Variants in FGFRL1 observed in about 807,000 individuals in gnomAD.
FGFRL1 encodes fibroblast growth factor receptor-like 1.
Under a neutral mutation model 36.8 loss-of-function variants are expected in FGFRL1, and 24 were observed. The observed-to-expected ratio is 0.65, with a 90% confidence interval of 0.47 to 0.92. FGFRL1 has a LOEUF of 0.92. Ranked by LOEUF, FGFRL1 falls within the 40% of genes least tolerant of loss-of-function variation. FGFRL1 has a pLI of 0.00. For missense variants in FGFRL1, 785 were observed against 753.4 expected, an observed-to-expected ratio of 1.04 and a Z score of -0.49; for synonymous variants, 422 against 344.1, an observed-to-expected ratio of 1.23 and a Z score of -2.50.
chr4:1,019,187 A>G (rs893804968), intron 2 of FGFRL1, among the ~76,000 whole-genome samples: 1 of 152,166 alleles, frequency 6.6e-6, no homozygotes, highest in African/African-American at 2.4e-5. Flanking sequence ...GGGGGCTGGG[A>G]AACCTTCCCG....
rs1384823812 is a variant in FGFRL1 at position 1,012,351 on chromosome 4, C to T, written c.-16-119C>T. Reference sequence around the variant, plus strand: ...CCGCTGCGGCTTCCTCCGCCTGGAGCGCGGGCGGGGAGGGCCTGTGGGGAG... The same window carrying T: ...CCGCTGCGGCTTCCTCCGCCTGGAGTGCGGGCGGGGAGGGCCTGTGGGGAG... On this transcript the variant is annotated intron_variant, in intron 1 of 6. Coordinates refer to ENST00000510644, the MANE Select transcript of FGFRL1 (RefSeq NM_001004356.3). 11 of 1,147,262 alleles carry T rather than the reference C, an allele frequency of 9.6e-6. No individual in the cohort carries two copies. In the Admixed American group the frequency reaches 1.0e-4, roughly 11 times the overall value. The allele number at this position is 1,147,262 out of a possible 1,614,324, so 71.1% of individuals were successfully genotyped here. A position where few individuals can be genotyped will look rare whatever the true frequency, so the allele number is the denominator to read the frequency against.
intron 2 of FGFRL1, among the ~76,000 whole-genome samples, chr4:1,015,841 G>A (rs1426234453): frequency 1.3e-5 from 2 of 152,224 alleles, no homozygotes; most frequent in African/African-American, 4.8e-5. Flanking sequence ...CCACCAGCCA[G>A]TGGCTTCAAG....
At chr4:1,013,387 G>A (rs1259425723) in intron 2 of FGFRL1, among the ~76,000 whole-genome samples, 3 of 152,254 alleles carry the variant, frequency 2.0e-5, no homozygotes, top group Non-Finnish European at 4.4e-5. Context: ...ACTCAGGATT[G>A]TCCGCGCTGT....
chr4:1,012,421 G>A (rs993727255), intron 1 of FGFRL1, 49 bp from the exon 2 acceptor site: 4 of 1,564,784 alleles, frequency 2.6e-6, no homozygotes, highest in African/African-American at 2.8e-5. Flanking sequence ...CGGGGAGGGC[G>A]GTATCTCCCA....
intron 2 of FGFRL1, 81 bp from the exon 3 acceptor site, chr4:1,022,122 C>T (rs1716214292): frequency 2.7e-6 from 3 of 1,117,620 alleles, no homozygotes; most frequent in Non-Finnish European, 2.5e-6. Context: ...CTGTGCTGGG[C>T]CGTGGGTCCC....
chr4:1,015,111 A>T (rs949422826), intron 2 of FGFRL1, among the ~76,000 whole-genome samples: 5 of 152,086 alleles, frequency 3.3e-5, no homozygotes, highest in African/African-American at 7.2e-5. Flanking sequence ...GTGCTGGGAG[A>T]GGCGGGCTGT....
chr4:1,019,728 G>T (rs1285205808), intron 2 of FGFRL1, among the ~76,000 whole-genome samples: 5 of 152,192 alleles, frequency 3.3e-5, no homozygotes, highest in African/African-American at 1.2e-4. Flanking sequence ...TGCAGGGAGG[G>T]TAGGGAAGGA....
At position 1,024,528 on chromosome 4, in the gene FGFRL1, G is replaced by T; in HGVS notation, c.936G>T (p.Trp312Cys). 2.5e-6 allele frequency: 4 copies of T among 1,612,504 alleles called. No individual in the cohort carries two copies. Among genetic ancestry groups the T allele is most frequent in the Non-Finnish European group, 3.4e-6 (4 of 1,179,862 alleles). ...TGGTGCTGCCCACGGGTGACGTGTG[G>T]TCGCGGCCCGACGGCTCCTACCTCA... ...KFVVLPTGDV[W>C]SRPDGSYLNK... Residue 312 changes from tryptophan (W) to cysteine (C), a missense_variant, in exon 6 of 7, where the codon TGG becomes TGT. Trp to Cys is a radical substitution (Grantham distance 215, BLOSUM62 -2). Transcript: ENST00000510644.
At chr4:1,019,557 G>A (rs990492391) in intron 2 of FGFRL1, among the ~76,000 whole-genome samples, 2 of 152,200 alleles carry the variant, frequency 1.3e-5, no homozygotes, top group African/African-American at 4.8e-5. Flanking sequence ...CGGCTGGGAA[G>A]GGGTCAGGAG....
Position 1,023,650 on chromosome 4 carries a change from G to A in FGFRL1, c.362G>A (p.Ser121Asn). 6.2e-7 allele frequency: 1 copy of A among 1,602,178 alleles called. No individual in the cohort carries two copies. Among genetic ancestry groups the A allele is most frequent in the East Asian group, 2.2e-5 (1 of 44,534 alleles). ...NYTLVVLDDI[S>N]PGKESLGPDS... ...CTCCGTCTCTCTGCAGATGACATTA[G>A]CCCAGGGAAGGAGAGCCTGGGGCCC... is the stretch of plus-strand genomic sequence containing the variant. The change falls in exon 4 of 7, where the codon AGC (serine) becomes AAC (asparagine). Residue 121 changes from serine (S) to asparagine (N), a missense_variant. Physicochemically the swap from Ser to Asn is conservative, Grantham distance 46. Coordinates refer to ENST00000510644, the MANE Select transcript of FGFRL1 (RefSeq NM_001004356.3). This position sits in a 1 kb window ranked among gnomAD's most constrained non-coding sequence, Gnocchi z 6.0.
At position 1,012,459 on chromosome 4, in the gene FGFRL1, A is replaced by C. The variant is rs1169045746; in HGVS notation, c.-16-11A>C. 2 of 1,575,850 alleles carry C rather than the reference A, an allele frequency of 1.3e-6. No individual in the cohort carries two copies. The highest frequency in any genetic ancestry group is 1.7e-6 in the Non-Finnish European group (2 of 1,165,204). On this transcript the variant is annotated splice_polypyrimidine_tract_variant and intron_variant, in intron 1 of 6. Transcript: ENST00000510644. ...TCCACGTGTTAGTGACGGCGCCCCC[A>C]ATGTCCCCAGGTCCGGACAGGCCGA...
intron 2 of FGFRL1, among the ~76,000 whole-genome samples, chr4:1,013,002 A>T (rs974556910): frequency 1.3e-5 from 2 of 152,158 alleles, no homozygotes; most frequent in East Asian, 3.9e-4. Context: ...TATTGGTAAT[A>T]TACTTGGTGT....
Position 1,023,775 on chromosome 4 carries a change from T to C in FGFRL1, c.434-42T>C. ...CGTCCGTCTGTCCCGGCCCCTTGGC[T>C]GCATCCCCGTCCTCTGACCTCCACG... On this transcript the variant is annotated intron_variant, in intron 4 of 6. Coordinates refer to ENST00000510644, the MANE Select transcript of FGFRL1 (RefSeq NM_001004356.3). The surrounding 1 kb of genome is among the most constrained non-coding windows in gnomAD (Gnocchi z 6.0). 1 of 1,556,168 alleles carries C rather than the reference T, an allele frequency of 6.4e-7. No individual in the cohort carries two copies.
chr4:1,023,574 G>C lies in FGFRL1; in HGVS notation c.353-67G>C. ...GGGCTGGGGGAGCTAGAGGCCACGG[G>C]GGAGTTGGGGGAGCTCCTCAGGGCC... On this transcript the variant is annotated intron_variant, in intron 3 of 6. Coordinates refer to ENST00000510644, the MANE Select transcript of FGFRL1 (RefSeq NM_001004356.3). The surrounding 1 kb of genome is among the most constrained non-coding windows in gnomAD (Gnocchi z 6.0). The C allele has an allele frequency of 2.1e-6, 3 of 1,445,598 alleles. No homozygotes were observed. The highest frequency in any genetic ancestry group is 2.8e-6 in the Non-Finnish European group (3 of 1,052,906). 89.5% of individuals were successfully genotyped at this position (1,445,598 alleles called of 1,614,324 possible).
chr4:1,024,232 G>T, intron 5 of FGFRL1, 79 bp from the exon 6 acceptor site: 1 of 1,448,656 alleles, frequency 6.9e-7, no homozygotes, highest in Non-Finnish European at 9.1e-7. Flanking sequence ...TGGGCTGGGG[G>T]TGCTGGTGGG....
intron 2 of FGFRL1, among the ~76,000 whole-genome samples, chr4:1,020,630 G>C (rs1282156369): frequency 2.3e-3 from 222 of 95,884 alleles, no homozygotes; most frequent in South Asian, 3.5e-3. Context: ...GGTGGGGACT[G>C]AGGCAGGGGA....
intron 2 of FGFRL1, among the ~76,000 whole-genome samples, chr4:1,014,251 T>G (rs983161373): frequency 6.6e-6 from 1 of 152,138 alleles, no homozygotes; most frequent in South Asian, 2.1e-4. Flanking sequence ...TTCACAATCT[T>G]GGTGGATTTG....
intron 2 of FGFRL1, among the ~76,000 whole-genome samples, chr4:1,012,769 G>A (rs909002571): frequency 5.9e-5 from 9 of 152,256 alleles, no homozygotes; most frequent in Admixed American, 3.3e-4. Context: ...GCTGGCTGGA[G>A]GGGTTCCCCT....
In FGFRL1 at chr4:1,023,570, A is replaced by G. The variant is rs1484769939; in HGVS notation, c.353-71A>G. 20 of 1,419,666 alleles carry G rather than the reference A, an allele frequency of 1.4e-5. No individual in the cohort carries two copies. The Middle Eastern group carries it at 7.3e-4, about 51-fold the overall frequency. The allele number at this position is 1,419,666 out of a possible 1,614,324, so 87.9% of individuals were successfully genotyped here. On this transcript the variant is annotated intron_variant, in intron 3 of 6. Transcript: ENST00000510644. The surrounding 1 kb of genome is among the most constrained non-coding windows in gnomAD (Gnocchi z 6.0). ...GCTGGGGCTGGGGGAGCTAGAGGCC[A>G]CGGGGGAGTTGGGGGAGCTCCTCAG...
Sources: allele counts gnomAD v4.1 joint callset (sites outside exome capture counted in the v4.1 genomes callset), GRCh38; gene constraint gnomAD v4.1.1; non-coding constraint Gnocchi (gnomAD v3.1); transcripts MANE v1.5; gene names NCBI Gene and HGNC (gene_info 2026-07-23, HGNC 2026-07-21).